CNTNAP2: variants seen among roughly 807,000 people sequenced by gnomAD.
CNTNAP2 encodes contactin associated protein 2.
In CNTNAP2, 98 loss-of-function variants were observed where a neutral mutation model predicts 155.2. That is an observed-to-expected ratio of 0.63 (90% CI 0.54 to 0.75). CNTNAP2 has a LOEUF of 0.75. CNTNAP2 is among the 30% of genes least tolerant of loss of function. The pLI, the probability that CNTNAP2 is intolerant of heterozygous loss-of-function variation, is 0.00. For missense variants in CNTNAP2, 1,727 were observed against 1,688.1 expected, an observed-to-expected ratio of 1.02 and a Z score of -0.40; for synonymous variants, 651 against 631.2, an observed-to-expected ratio of 1.03 and a Z score of -0.47.
chr7:147,139,990 C>A (rs1801561686), intron 8 of CNTNAP2, among the ~76,000 whole-genome samples: 1 of 152,066 alleles, frequency 6.6e-6, no homozygotes, highest in Non-Finnish European at 1.5e-5. Flanking sequence ...TCCCTTGAGG[C>A]TTTTCTAACC....
Position 146,621,386 on chromosome 7 carries a change from C to T in CNTNAP2, c.98-152885C>T, listed in dbSNP as rs537326025. ...TCATTGAGATTTTCTTAGGTTTTAC[C>T]TTTAGTCCTTGGCTTTCTTTTTTGG... On this transcript the variant is annotated intron_variant, in intron 1 of 23. Transcript: ENST00000361727. Among the ~76,000 whole-genome samples, 305 of 152,104 alleles carry T rather than the reference C, an allele frequency of 2.0e-3. 4 individuals carry two copies. Among genetic ancestry groups the T allele is most frequent in the African/African-American group, 7.0e-3 (291 of 41,512 alleles).
At chr7:148,163,237 G>T (rs1010307419) in intron 17 of CNTNAP2, among the ~76,000 whole-genome samples, 9 of 152,088 alleles carry the variant, frequency 5.9e-5, no homozygotes, top group African/African-American at 1.9e-4. Flanking sequence ...CTACTTACTG[G>T]CTATATGACA....
chr7:148,263,606 G>A (rs1040471932), intron 20 of CNTNAP2, among the ~76,000 whole-genome samples: 13 of 151,826 alleles, frequency 8.6e-5, no homozygotes, highest in South Asian at 6.2e-4. Context: ...GCGTGGTGGC[G>A]GGCGCCTGGA....
At chr7:148,016,961 T>A (rs545689469) in intron 15 of CNTNAP2, among the ~76,000 whole-genome samples, 9 of 152,330 alleles carry the variant, frequency 5.9e-5, no homozygotes, top group African/African-American at 1.4e-4. Flanking sequence ...AAAAAGCAAG[T>A]CTTATTTATT....
At chr7:146,359,754 T>G (rs965716853) in intron 1 of CNTNAP2, among the ~76,000 whole-genome samples, 2 of 151,984 alleles carry the variant, frequency 1.3e-5, no homozygotes. Flanking sequence ...CCAAGTGACT[T>G]TGTAAAAGGA....
chr7:148,222,875 G>T (rs1030667005), intron 19 of CNTNAP2, among the ~76,000 whole-genome samples: 1 of 152,194 alleles, frequency 6.6e-6, no homozygotes, highest in Admixed American at 6.5e-5. Flanking sequence ...TGGGTTTGAG[G>T]TCGGCTTTGC....
At chr7:146,293,847 A>C (rs1390343320) in intron 1 of CNTNAP2, among the ~76,000 whole-genome samples, 2 of 152,224 alleles carry the variant, frequency 1.3e-5, no homozygotes, top group African/African-American at 4.8e-5. Flanking sequence ...AAATATCAAC[A>C]TGGAGACCTT....
intron 14 of CNTNAP2, among the ~76,000 whole-genome samples, chr7:147,954,139 T>C (rs1800982040): frequency 6.6e-6 from 1 of 152,106 alleles, no homozygotes; most frequent in Non-Finnish European, 1.5e-5. Context: ...GGGAGAAAAG[T>C]GCTTGTCCAG....
At chr7:148,115,453 G>C (rs1804447171) in intron 15 of CNTNAP2, among the ~76,000 whole-genome samples, 2 of 152,166 alleles carry the variant, frequency 1.3e-5, no homozygotes, top group African/African-American at 4.8e-5. Flanking sequence ...GAATTGCTTT[G>C]CTTAAGGCTG....
At chr7:147,627,863 A>G (rs1795015896) in intron 12 of CNTNAP2, among the ~76,000 whole-genome samples, 1 of 151,768 alleles carries the variant, frequency 6.6e-6, no homozygotes, top group Non-Finnish European at 1.5e-5. Flanking sequence ...AATAGACTAG[A>G]ACAAGTAAAA....
At chr7:147,882,808 C>T (rs1321785249) in intron 13 of CNTNAP2, among the ~76,000 whole-genome samples, 1 of 151,442 alleles carries the variant, frequency 6.6e-6, no homozygotes, top group Non-Finnish European at 1.5e-5. Context: ...AGTGGATTTC[C>T]CAGAAATGAA....
chr7:146,145,239 G>A (rs1322829652), intron 1 of CNTNAP2, among the ~76,000 whole-genome samples: 2 of 152,164 alleles, frequency 1.3e-5, no homozygotes, highest in Admixed American at 6.6e-5. Flanking sequence ...TTCAAGGGCC[G>A]AAAGCGTGAC....
At chr7:146,310,031 C>G (rs952040916) in intron 1 of CNTNAP2, among the ~76,000 whole-genome samples, 8 of 152,066 alleles carry the variant, frequency 5.3e-5, no homozygotes, top group Non-Finnish European at 1.0e-4. Context: ...GTGCAAATTG[C>G]TTTTCTGTAT....
intron 9 of CNTNAP2, among the ~76,000 whole-genome samples, chr7:147,333,420 A>AAACTTAGT (rs1485318482): frequency 1.3e-5 from 2 of 152,214 alleles, no homozygotes; most frequent in African/African-American, 4.8e-5. Context: ...AATAAAATAA[A>AAACTTAGT]AACTTAGTAT....
intron 11 of CNTNAP2, among the ~76,000 whole-genome samples, chr7:147,511,144 A>G (rs1799013118): frequency 6.6e-6 from 1 of 151,976 alleles, no homozygotes; most frequent in African/African-American, 2.4e-5. Context: ...GTAAGAATTA[A>G]GCTATTGTGT....
intron 3 of CNTNAP2, among the ~76,000 whole-genome samples, chr7:146,872,917 A>G (rs1267975857): frequency 6.6e-6 from 1 of 152,060 alleles, no homozygotes; most frequent in Non-Finnish European, 1.5e-5. Flanking sequence ...CGTTATTCCA[A>G]ATGGGAGCAT....
chr7:147,736,446 C>T (rs1796846603), intron 13 of CNTNAP2, among the ~76,000 whole-genome samples: 1 of 152,122 alleles, frequency 6.6e-6, no homozygotes, highest in Admixed American at 6.6e-5. Context: ...TCTCTGGCTG[C>T]CCTTAACATT....
intron 3 of CNTNAP2, among the ~76,000 whole-genome samples, chr7:147,027,004 G>GAAAAAAAAAAAAAAAAAAAAAAAAAAA: frequency 1.5e-5 from 1 of 67,432 alleles, no homozygotes; most frequent in Non-Finnish European, 2.9e-5. Flanking sequence ...AAACAGAACA[G>GAAAAAAAAAAAAAAAAAAAAAAAAAAA]AAAAAAAAAA....
chr7:147,799,398 A>G (rs1797952415), intron 13 of CNTNAP2, among the ~76,000 whole-genome samples: 1 of 152,122 alleles, frequency 6.6e-6, no homozygotes, highest in Non-Finnish European at 1.5e-5. Context: ...TCATGCAGGG[A>G]GGTAGGTACT....
Sources: allele counts gnomAD v4.1 joint callset (sites outside exome capture counted in the v4.1 genomes callset), GRCh38; gene constraint gnomAD v4.1.1; transcripts MANE v1.5; gene names NCBI Gene and HGNC (gene_info 2026-07-23, HGNC 2026-07-21).